The following DRC8 variants were observed in gnomAD, a reference collection of about 807,000 sequenced individuals.
DRC8 encodes dynein regulatory complex protein 8.
At chr1:245,068,603 A>G in the DRC8 span, among the ~76,000 whole-genome samples, 1 of 150,528 alleles carries the variant, frequency 6.6e-6, no homozygotes, top group South Asian at 2.1e-4. Flanking sequence ...CACCACTCCC[A>G]GCTAATTTTT....
the DRC8 span, among the ~76,000 whole-genome samples, chr1:244,997,525 C>CTTTTTTTTTTTTTTTTTTTGTTTTTTTT: frequency 7.9e-6 from 1 of 126,738 alleles, no homozygotes; most frequent in Admixed American, 8.1e-5. Context: ...TTCGTGCCAT[C>CTTTTTTTTTTTTTTTTTTTGTTTTTTTT]TTTTTTTTTT....
the DRC8 span, among the ~76,000 whole-genome samples, chr1:245,067,613 A>G: frequency 6.6e-6 from 1 of 152,298 alleles, no homozygotes; most frequent in Non-Finnish European, 1.5e-5. Flanking sequence ...TAATTGGTTA[A>G]GTATCCTTGG....
chr1:245,045,686 G>C, the DRC8 span, among the ~76,000 whole-genome samples: 1 of 152,056 alleles, frequency 6.6e-6, no homozygotes, highest in Admixed American at 6.6e-5. Context: ...CAGCCAATCA[G>C]AGGCTAGGGT....
At chr1:244,999,226 T>A in the DRC8 span, among the ~76,000 whole-genome samples, 1 of 148,938 alleles carries the variant, frequency 6.7e-6, no homozygotes, top group Non-Finnish European at 1.5e-5. Flanking sequence ...TTAAGCCTCC[T>A]GAAAAAAAAA....
chr1:245,006,154 A>G, the DRC8 span, among the ~76,000 whole-genome samples: 1 of 152,194 alleles, frequency 6.6e-6, no homozygotes, highest in Admixed American at 6.5e-5. Flanking sequence ...AGGATTTTAA[A>G]CCAGACGGTC....
the DRC8 span, among the ~76,000 whole-genome samples, chr1:245,058,356 A>G: frequency 4.6e-5 from 7 of 152,218 alleles, no homozygotes; most frequent in Non-Finnish European, 1.0e-4. Context: ...TTGGCCCTTC[A>G]TTTATTAAGA....
the DRC8 span, among the ~76,000 whole-genome samples, chr1:245,024,411 T>G: frequency 3.3e-5 from 5 of 152,210 alleles, no homozygotes; most frequent in Non-Finnish European, 7.3e-5. Context: ...TGATAGAGTC[T>G]CTCATCTTGT....
At chr1:245,036,707 A>G in the DRC8 span, among the ~76,000 whole-genome samples, 3 of 152,244 alleles carry the variant, frequency 2.0e-5, no homozygotes, top group South Asian at 6.2e-4. Context: ...TGAACCTAGG[A>G]AACATTCTGC....
the DRC8 span, among the ~76,000 whole-genome samples, chr1:245,060,244 C>T: frequency 6.6e-6 from 1 of 152,118 alleles, no homozygotes; most frequent in Non-Finnish European, 1.5e-5. Context: ...GGAATTGTGA[C>T]CGTGGTGAGT....
chr1:244,984,186 G>A, the DRC8 span, among the ~76,000 whole-genome samples: 3 of 152,070 alleles, frequency 2.0e-5, no homozygotes, highest in African/African-American at 7.2e-5. Flanking sequence ...TAGTTACAGA[G>A]GATAACCCAA....
the DRC8 span, among the ~76,000 whole-genome samples, chr1:245,079,705 G>T: frequency 6.6e-6 from 1 of 152,132 alleles, no homozygotes; most frequent in East Asian, 1.9e-4. Flanking sequence ...ACAGTGGTTT[G>T]TTGGTGGTGG....
chr1:245,014,430 A>T, the DRC8 span, among the ~76,000 whole-genome samples: 1 of 152,244 alleles, frequency 6.6e-6, no homozygotes, highest in South Asian at 2.1e-4. Flanking sequence ...GTAAATTTAA[A>T]TAATGAGGTA....
chr1:245,086,677 C>CTAAG, the DRC8 span: 1 of 527,442 alleles, frequency 1.9e-6, no homozygotes, highest in Admixed American at 2.0e-5. Context: ...AGGTACTGTT[C>CTAAG]TAAGTCCCAT....
the DRC8 span, among the ~76,000 whole-genome samples, chr1:245,075,183 G>A: frequency 7.9e-5 from 12 of 152,160 alleles, no homozygotes; most frequent in Non-Finnish European, 1.6e-4. Flanking sequence ...AAAAGAGATG[G>A]CCTGATGATT....
the DRC8 span, chr1:245,121,968 G>T: frequency 2.5e-6 from 1 of 404,478 alleles, no homozygotes; most frequent in Non-Finnish European, 4.8e-6. Context: ...GCGTGATCTT[G>T]GCTCGTTGCA....
chr1:245,003,485 G>C, the DRC8 span, among the ~76,000 whole-genome samples: 4 of 152,222 alleles, frequency 2.6e-5, no homozygotes, highest in African/African-American at 7.2e-5. Flanking sequence ...GCCAATGGTG[G>C]CTGGCTCCAG....
chr1:245,040,191 C>T, the DRC8 span, among the ~76,000 whole-genome samples: 1 of 152,148 alleles, frequency 6.6e-6, no homozygotes, highest in Non-Finnish European at 1.5e-5. Context: ...CAGTCGGCAG[C>T]CATTGGGCAA....
the DRC8 span, among the ~76,000 whole-genome samples, chr1:245,065,073 CTTTTTTTTTT>C: frequency 1.3e-4 from 11 of 81,590 alleles, no homozygotes; most frequent in African/African-American, 3.3e-4. Flanking sequence ...TAACATTCTT[CTTTTTTTTTT>C]TTTTTTTTTT....
chr1:245,054,753 G>C, the DRC8 span, among the ~76,000 whole-genome samples: 243 of 152,280 alleles, frequency 1.6e-3, no homozygotes, highest in African/African-American at 5.6e-3. Flanking sequence ...CACGTCTCCA[G>C]CCAGATCCTT....
Sources: gnomAD v4.1 joint callset for allele counts (sites outside exome capture counted in the v4.1 genomes callset) on GRCh38, gnomAD v4.1.1 for gene constraint, MANE v1.5 for transcripts, NCBI Gene and HGNC (gene_info 2026-07-23, HGNC 2026-07-21) for gene names.